The following SPATA9 variants were observed in gnomAD, a reference collection of about 807,000 sequenced individuals.
SPATA9 encodes the protein spermatogenesis-associated protein 9.
Under a neutral mutation model 25.5 loss-of-function variants are expected in SPATA9, and 27 were observed. That is an observed-to-expected ratio of 1.06 (90% CI 0.78 to 1.46). The LOEUF is 1.46. SPATA9 is among the 40% of genes most tolerant of loss of function. The pLI is 0.00. For synonymous variants in SPATA9, 102 were observed against 105.7 expected (o/e 0.97, Z 0.21); for missense variants, 282 against 297.5 (o/e 0.95, Z 0.38).
downstream of SPATA9, chr5:95,652,909 G>A (rs1195950561): frequency 3.3e-6 from 2 of 607,790 alleles, no homozygotes; most frequent in African/African-American, 1.9e-5. Context: ...AGAGCCGGGA[G>A]CATTCTTTCA....
At chr5:95,694,334 G>A (rs996582100) in intron 1 of SPATA9, among the ~76,000 whole-genome samples, 2 of 152,124 alleles carry the variant, frequency 1.3e-5, no homozygotes, top group African/African-American at 4.8e-5. Flanking sequence ...AATCCCTTCA[G>A]CTATGGTCAT....
intron 3 of SPATA9, among the ~76,000 whole-genome samples, chr5:95,665,269 G>A (rs529332933): frequency 2.0e-5 from 3 of 152,208 alleles, no homozygotes; most frequent in Non-Finnish European, 2.9e-5. Context: ...ACTGTTAACC[G>A]TAGTCACCCT....
chr5:95,727,364 G>A, the SPATA9 span, among the ~76,000 whole-genome samples: 1 of 152,262 alleles, frequency 6.6e-6, no homozygotes, highest in East Asian at 1.9e-4. Flanking sequence ...CTCTCCAGCT[G>A]TTAAGGAACC....
intron 4 of SPATA9, among the ~76,000 whole-genome samples, chr5:95,662,797 TACTC>T (rs1251467410): frequency 6.6e-6 from 1 of 152,164 alleles, no homozygotes; most frequent in African/African-American, 2.4e-5. Context: ...TATGCAGAGG[TACTC>T]AATCTCATTA....
At chr5:95,688,146 G>GCAAAA (rs1353764488) in intron 1 of SPATA9, among the ~76,000 whole-genome samples, 2 of 152,124 alleles carry the variant, frequency 1.3e-5, no homozygotes, top group African/African-American at 4.8e-5. Flanking sequence ...TTTTACAATA[G>GCAAAA]CAAAACATCA....
the SPATA9 span, among the ~76,000 whole-genome samples, chr5:95,707,650 C>T: frequency 6.6e-6 from 1 of 152,164 alleles, no homozygotes; most frequent in Non-Finnish European, 1.5e-5. Context: ...TTCCTGGGAA[C>T]TGCTGATATA....
At chr5:95,699,037 C>T (rs1754111981), upstream of SPATA9, among the ~76,000 whole-genome samples, 1 of 152,190 alleles carries the variant, frequency 6.6e-6, no homozygotes, top group Non-Finnish European at 1.5e-5. Context: ...TTTCAGCATG[C>T]ACCCTGCTCA....
chr5:95,667,021 T>C (rs1364720068), intron 3 of SPATA9, among the ~76,000 whole-genome samples: 1 of 152,340 alleles, frequency 6.6e-6, no homozygotes, highest in East Asian at 1.9e-4. Context: ...CTGGCTTTCC[T>C]TGCATTCTCT....
rs371884210 is a variant in SPATA9 at position 95,678,387 on chromosome 5, G to C, written c.151-2748C>G. ...GCGAGACTCCATCTCAAAAAAATAAGTAAAATAAAATAAAAGTAACTTTCC... is the reference window on the plus strand; with the variant it reads ...GCGAGACTCCATCTCAAAAAAATAACTAAAATAAAATAAAAGTAACTTTCC... On this transcript the variant is annotated intron_variant, in intron 2 of 4. Coordinates refer to ENST00000274432, the MANE Select transcript of SPATA9 (RefSeq NM_031952.4). Among the ~76,000 whole-genome samples the C allele has an allele frequency of 5.9e-5, 9 of 152,032 alleles. 1 individual carries two copies. The highest frequency in any genetic ancestry group is 2.2e-4 in the African/African-American group (9 of 41,500).
intron 4 of SPATA9, among the ~76,000 whole-genome samples, chr5:95,659,124 C>G (rs1751013377): frequency 6.6e-6 from 1 of 152,038 alleles, no homozygotes; most frequent in Admixed American, 6.5e-5. Flanking sequence ...CAATTTAAAA[C>G]CTAGTATGCT....
chr5:95,715,972 G>T, the SPATA9 span, among the ~76,000 whole-genome samples: 1 of 152,168 alleles, frequency 6.6e-6, no homozygotes, highest in East Asian at 1.9e-4. Flanking sequence ...CAATCTTATT[G>T]TTGTCAAGGA....
At chr5:95,697,159 T>G (rs1754043943) in intron 1 of SPATA9, among the ~76,000 whole-genome samples, 1 of 152,204 alleles carries the variant, frequency 6.6e-6, no homozygotes, top group Non-Finnish European at 1.5e-5. Flanking sequence ...GGTTCTGGCT[T>G]GAAATCATTC....
intron 3 of SPATA9, among the ~76,000 whole-genome samples, chr5:95,674,519 T>C (rs929315937): frequency 1.3e-5 from 2 of 152,048 alleles, no homozygotes; most frequent in Non-Finnish European, 2.9e-5. Flanking sequence ...TTTCTCCCTC[T>C]TTTTTTTCTG....
intron 1 of SPATA9, among the ~76,000 whole-genome samples, chr5:95,695,013 A>G (rs1052852425): frequency 7.2e-5 from 11 of 152,236 alleles, no homozygotes; most frequent in Non-Finnish European, 1.5e-4. Context: ...ATTTAAAAAA[A>G]TTTAAGTGAT....
At chr5:95,703,242 C>T (rs1754218990), upstream of SPATA9, among the ~76,000 whole-genome samples, 3 of 152,144 alleles carry the variant, frequency 2.0e-5, no homozygotes, top group South Asian at 6.2e-4. Flanking sequence ...TTCTCTGTTT[C>T]TTTAACAGAT....
At chr5:95,711,301 G>A in the SPATA9 span, among the ~76,000 whole-genome samples, 1 of 152,106 alleles carries the variant, frequency 6.6e-6, no homozygotes. Context: ...CTCCAGATAC[G>A]CTCCCTCTCC....
chr5:95,662,341 G>C (rs1455909105), intron 4 of SPATA9, among the ~76,000 whole-genome samples: 3 of 152,168 alleles, frequency 2.0e-5, no homozygotes, highest in African/African-American at 7.2e-5. Context: ...TTAGGTGTAA[G>C]TCAAGATTCT....
At chr5:95,690,397 A>G (rs1385217185) in intron 1 of SPATA9, among the ~76,000 whole-genome samples, 1 of 152,190 alleles carries the variant, frequency 6.6e-6, no homozygotes, top group Admixed American at 6.5e-5. Flanking sequence ...CAGGACTCCT[A>G]AAGAAATATG....
intron 1 of SPATA9, among the ~76,000 whole-genome samples, chr5:95,694,520 C>A (rs1753966221): frequency 2.0e-5 from 3 of 152,164 alleles, no homozygotes; most frequent in African/African-American, 7.2e-5. Context: ...AAGGATGCAT[C>A]CCACCCTTTC....
Sources: allele counts gnomAD v4.1 joint callset (sites outside exome capture counted in the v4.1 genomes callset), GRCh38; gene constraint gnomAD v4.1.1; transcripts MANE v1.5; gene names NCBI Gene and HGNC (gene_info 2026-07-23, HGNC 2026-07-21).